The following PDE11A variants were observed in gnomAD, a reference collection of about 807,000 sequenced individuals.
PDE11A encodes dual 3',5'-cyclic-AMP and -GMP phosphodiesterase 11A.
A neutral mutation model predicts 100.5 loss-of-function variants in PDE11A; 100 were observed. The observed-to-expected ratio is 1.00, with a 90% CI of 0.85 to 1.18. PDE11A has a LOEUF of 1.18. PDE11A is among the 50% of genes most tolerant of loss of function. The pLI is 0.00. For missense variants in PDE11A, 1,141 were observed against 1,152.6 expected, an observed-to-expected ratio of 0.99 and a Z score of 0.15; for synonymous variants, 381 against 420.8, an observed-to-expected ratio of 0.91 and a Z score of 1.16.
chr2:178,036,015 T>A (rs1284128182), intron 1 of PDE11A, among the ~76,000 whole-genome samples: 2 of 152,226 alleles, frequency 1.3e-5, no homozygotes, highest in African/African-American at 2.4e-5. Flanking sequence ...TATTGGAAGT[T>A]CTGGCCAGGG....
intron 1 of PDE11A, among the ~76,000 whole-genome samples, chr2:178,047,015 T>A (rs540971485): frequency 6.6e-6 from 1 of 152,244 alleles, no homozygotes; most frequent in African/African-American, 2.4e-5. Context: ...CTTAGATGAA[T>A]AATTATGCAG....
intron 2 of PDE11A, among the ~76,000 whole-genome samples, chr2:177,919,115 TGAGACAGAGTCTCGC>T (rs1273338963): frequency 9.9e-5 from 15 of 151,848 alleles, no homozygotes; most frequent in East Asian, 5.8e-4. Context: ...TTTTTTTTTT[TGAGACAGAGTCTCGC>T]TTTGTTGCCC....
chr2:177,739,938 G>A (rs184270035), intron 10 of PDE11A, among the ~76,000 whole-genome samples: 3 of 152,320 alleles, frequency 2.0e-5, no homozygotes, highest in Admixed American at 2.0e-4. Context: ...CCTGATTCCT[G>A]AGCCACAATT....
At position 177,711,909 on chromosome 2, in the gene PDE11A, C is replaced by T. The variant is rs146823848; in HGVS notation, c.2044-31G>A. ...AAGAAGGGGAAAATGGCAACAGTCA[C>T]TACTGGGGTACGGAGGATGGATAAG... On this transcript the variant is annotated intron_variant, in intron 12 of 19. Transcript: ENST00000286063. 170 of 1,131,920 alleles carry T rather than the reference C, an allele frequency of 1.5e-4. No homozygotes were observed. The African/African-American group carries it at 2.1e-3, about 14-fold the overall frequency. The allele number at this position is 1,131,920 out of a possible 1,614,324, so 70.1% of individuals were successfully genotyped here. A position where few individuals can be genotyped will look rare whatever the true frequency, so the allele number is the denominator to read the frequency against.
At chr2:177,923,505 T>A (rs1452399573) in intron 2 of PDE11A, among the ~76,000 whole-genome samples, 1 of 152,206 alleles carries the variant, frequency 6.6e-6, no homozygotes, top group East Asian at 1.9e-4. Flanking sequence ...TGTCCCTCAC[T>A]CTCATTGACC....
At chr2:177,889,393 T>C (rs77646363) in intron 4 of PDE11A, among the ~76,000 whole-genome samples, 1 of 152,312 alleles carries the variant, frequency 6.6e-6, no homozygotes, top group South Asian at 2.1e-4. Context: ...GCAGTCGGTA[T>C]CAGTTTTGCC....
chr2:177,689,140 T>G (rs983057242), intron 15 of PDE11A, among the ~76,000 whole-genome samples: 1 of 152,162 alleles, frequency 6.6e-6, no homozygotes, highest in Non-Finnish European at 1.5e-5. Flanking sequence ...TGGAGTGCAA[T>G]GGCGTGATCT....
chr2:177,913,855 T>G (rs1482589881), intron 2 of PDE11A, among the ~76,000 whole-genome samples: 1 of 152,166 alleles, frequency 6.6e-6, no homozygotes, highest in Non-Finnish European at 1.5e-5. Flanking sequence ...TAAATCTTCA[T>G]GCACCTGGAC....
At chr2:178,105,589 G>A (rs1285603517) in intron 1 of PDE11A, 2 of 365,026 alleles carry the variant, frequency 5.5e-6, no homozygotes, top group African/African-American at 4.2e-5. Flanking sequence ...CATCTAAAAT[G>A]ATGTAAAAAT....
intron 1 of PDE11A, among the ~76,000 whole-genome samples, chr2:178,048,349 G>A (rs377521509): frequency 6.6e-5 from 10 of 152,078 alleles, no homozygotes; most frequent in African/African-American, 1.7e-4. Context: ...CTGGGGGCGC[G>A]GCATGAAAGA....
At chr2:178,096,088 G>A (rs2087485008) in intron 2 of PDE11A, among the ~76,000 whole-genome samples, 3 of 152,096 alleles carry the variant, frequency 2.0e-5, no homozygotes, top group Admixed American at 6.5e-5. Flanking sequence ...CATTGTCTTG[G>A]CAATTAACTC....
intron 1 of PDE11A, among the ~76,000 whole-genome samples, chr2:178,033,755 TAAAC>T (rs145609399): frequency 0.025 from 3,793 of 152,078 alleles, 143 homozygotes; most frequent in African/African-American, 0.086. Flanking sequence ...TCAACATTCT[TAAAC>T]AAAAAAAAGT....
chr2:177,709,895 A>G (rs769829920), intron 13 of PDE11A, among the ~76,000 whole-genome samples: 1 of 152,148 alleles, frequency 6.6e-6, no homozygotes, highest in South Asian at 2.1e-4. Context: ...GGTTTCTCCA[A>G]TGATTGGAAC....
At chr2:178,036,537 G>A (rs1471658239) in intron 1 of PDE11A, among the ~76,000 whole-genome samples, 1 of 152,054 alleles carries the variant, frequency 6.6e-6, no homozygotes, top group Non-Finnish European at 1.5e-5. Context: ...AATTTCATAT[G>A]GAACCAAAAA....
At chr2:177,635,509 A>C (rs186021443) in intron 19 of PDE11A, among the ~76,000 whole-genome samples, 11 of 151,728 alleles carry the variant, frequency 7.2e-5, no homozygotes, top group Admixed American at 3.3e-4. Context: ...TTTCATTCAC[A>C]CTCCACTGTT....
intron 1 of PDE11A, among the ~76,000 whole-genome samples, chr2:178,056,292 C>T (rs1042120838): frequency 3.7e-4 from 57 of 152,182 alleles, no homozygotes; most frequent in African/African-American, 1.3e-3. Flanking sequence ...AGGGGACATT[C>T]ACCATCAGGA....
chr2:178,098,050 G>A (rs1332582910), intron 2 of PDE11A, among the ~76,000 whole-genome samples: 2 of 152,164 alleles, frequency 1.3e-5, no homozygotes, highest in East Asian at 3.9e-4. Flanking sequence ...TGAAACATAG[G>A]GGGAAAAAAT....
intron 19 of PDE11A, among the ~76,000 whole-genome samples, chr2:177,663,525 T>C (rs1434511953): frequency 6.6e-6 from 1 of 152,234 alleles, no homozygotes; most frequent in Non-Finnish European, 1.5e-5. Context: ...TGAGCTTTTT[T>C]TGAACAGATA....
At chr2:177,914,180 T>C (rs1469089069) in intron 2 of PDE11A, among the ~76,000 whole-genome samples, 1 of 152,204 alleles carries the variant, frequency 6.6e-6, no homozygotes, top group Admixed American at 6.5e-5. Context: ...CCTCTTTTGC[T>C]TATTTTGTTT....
Sources: allele counts gnomAD v4.1 joint callset (sites outside exome capture counted in the v4.1 genomes callset), GRCh38; gene constraint gnomAD v4.1.1; transcripts MANE v1.5; gene names NCBI Gene and HGNC (gene_info 2026-07-23, HGNC 2026-07-21).